TTC28: variants seen among roughly 807,000 people sequenced by gnomAD.
TTC28 encodes the protein tetratricopeptide repeat domain 28.
Under a neutral mutation model 198.0 loss-of-function variants are expected in TTC28, and 61 were observed. That is an observed-to-expected ratio of 0.31 (90% CI 0.25 to 0.38). The LOEUF (loss-of-function observed/expected upper bound fraction) is 0.38, where lower values mean the gene tolerates loss of function less well. Among genes scored for constraint, TTC28 ranks in the 10% least tolerant of loss-of-function variants. The pLI is 1.00. For missense variants in TTC28, 2,678 were observed against 3,164.0 expected (o/e 0.85, Z 3.69); for synonymous variants, 1,171 against 1,297.8 (o/e 0.90, Z 2.10).
intron 2 of TTC28, among the ~76,000 whole-genome samples, chr22:28,377,475 CAG>C (rs1156388039): frequency 6.6e-6 from 1 of 151,598 alleles, no homozygotes; most frequent in Non-Finnish European, 1.5e-5. Context: ...AGTGAGGAAA[CAG>C]AGTCAGAGAA....
At chr22:28,485,570 G>A (rs2048305436) in intron 2 of TTC28, among the ~76,000 whole-genome samples, 1 of 152,130 alleles carries the variant, frequency 6.6e-6, no homozygotes, top group Non-Finnish European at 1.5e-5. Flanking sequence ...TATGGGAGAT[G>A]ATTGATAACA....
intron 2 of TTC28, among the ~76,000 whole-genome samples, chr22:28,587,582 G>A (rs2050340365): frequency 6.6e-6 from 1 of 151,820 alleles, no homozygotes; most frequent in Non-Finnish European, 1.5e-5. Flanking sequence ...TGCAAGCTGA[G>A]ACTATAGTCG....
At chr22:28,369,982 C>G (rs907341249) in intron 2 of TTC28, among the ~76,000 whole-genome samples, 1 of 152,174 alleles carries the variant, frequency 6.6e-6, no homozygotes, top group African/African-American at 2.4e-5. Context: ...CCTCTATATC[C>G]AAACCCTGCC....
intron 2 of TTC28, among the ~76,000 whole-genome samples, chr22:28,463,586 A>G (rs941254746): frequency 6.6e-6 from 1 of 152,194 alleles, no homozygotes; most frequent in East Asian, 1.9e-4. Flanking sequence ...TGCAGCCATA[A>G]AAAAGGATGA....
At chr22:28,538,554 CTCTT>C (rs1569010316) in intron 2 of TTC28, among the ~76,000 whole-genome samples, 1 of 135,820 alleles carries the variant, frequency 7.4e-6, no homozygotes, top group Non-Finnish European at 1.6e-5. Context: ...TAGCACCTTT[CTCTT>C]TTTTTTTTTT....
At chr22:28,077,603 TATC>T (rs1186609494) in intron 12 of TTC28, among the ~76,000 whole-genome samples, 1 of 152,228 alleles carries the variant, frequency 6.6e-6, no homozygotes, top group Non-Finnish European at 1.5e-5. Flanking sequence ...TGCCGCTTGT[TATC>T]AGTGTAGAAT....
At chr22:28,404,953 C>T (rs993690879) in intron 2 of TTC28, among the ~76,000 whole-genome samples, 3 of 151,800 alleles carry the variant, frequency 2.0e-5, no homozygotes, top group Admixed American at 2.0e-4. Flanking sequence ...TGGTATTTTT[C>T]CTGTTTGCCC....
At chr22:28,066,304 G>GGT (rs1555910369) in intron 12 of TTC28, among the ~76,000 whole-genome samples, 8,516 of 147,096 alleles carry the variant, frequency 0.058, 474 homozygotes, top group African/African-American at 0.15. Flanking sequence ...GTGTGTGTGT[G>GGT]GTGTGTGTGT....
chr22:28,553,359 G>A (rs916055677), intron 2 of TTC28, among the ~76,000 whole-genome samples: 15 of 151,358 alleles, frequency 9.9e-5, no homozygotes, highest in South Asian at 6.3e-4. Context: ...CTTCCCAGCC[G>A]ACATCCCATC....
At chr22:28,068,719 T>C (rs1234156278) in intron 12 of TTC28, among the ~76,000 whole-genome samples, 2 of 152,154 alleles carry the variant, frequency 1.3e-5, no homozygotes, top group African/African-American at 2.4e-5. Context: ...AATAGAAAAA[T>C]AGGTAAATTC....
At chr22:28,150,979 C>T (rs1349390059) in intron 6 of TTC28, among the ~76,000 whole-genome samples, 1 of 152,236 alleles carries the variant, frequency 6.6e-6, no homozygotes, top group East Asian at 1.9e-4. Context: ...ATATTCCTTT[C>T]TGAAGTCCTA....
At chr22:28,491,941 T>C (rs1429958430) in intron 2 of TTC28, among the ~76,000 whole-genome samples, 1 of 152,060 alleles carries the variant, frequency 6.6e-6, no homozygotes, top group Admixed American at 6.5e-5. Context: ...TAAAAAAGGA[T>C]GAGTTCATGT....
intron 2 of TTC28, among the ~76,000 whole-genome samples, chr22:28,549,402 C>T (rs1231245984): frequency 6.6e-6 from 1 of 152,142 alleles, no homozygotes; most frequent in Non-Finnish European, 1.5e-5. Context: ...CATCTTATTA[C>T]ATTTAAGGGC....
intron 2 of TTC28, among the ~76,000 whole-genome samples, chr22:28,393,279 C>A (rs2046763743): frequency 6.6e-6 from 1 of 152,258 alleles, no homozygotes; most frequent in Non-Finnish European, 1.5e-5. Flanking sequence ...TTTTACAACA[C>A]AAGCTTTCTA....
In TTC28 at chr22:28,630,647, T is replaced by TAAG. The variant is rs1481148155; in HGVS notation, c.103-820_103-818dup. Among the ~76,000 whole-genome samples, 4 of 152,252 alleles carry TAAG rather than the reference T, an allele frequency of 2.6e-5. 1 individual carries two copies. In the East Asian group the frequency reaches 7.7e-4, roughly 29 times the overall value. ...TCCTTTATAGCCACACAAAACAGAC[T>TAAG]AAGACATCATCTGAACCTCAATAAA... On this transcript the variant is annotated intron_variant, in intron 1 of 22. Coordinates refer to ENST00000397906, the MANE Select transcript of TTC28 (RefSeq NM_001145418.2).
intron 2 of TTC28, among the ~76,000 whole-genome samples, chr22:28,615,003 C>A (rs2050878155): frequency 6.6e-6 from 1 of 152,044 alleles, no homozygotes; most frequent in Non-Finnish European, 1.5e-5. Flanking sequence ...TCAGAGTGAA[C>A]AGGAAACCTA....
At chr22:28,154,694 T>C (rs1009833801) in intron 6 of TTC28, among the ~76,000 whole-genome samples, 3 of 152,188 alleles carry the variant, frequency 2.0e-5, no homozygotes, top group African/African-American at 7.2e-5. Context: ...ATTAACATTA[T>C]TTTCACAAGG....
At chr22:28,136,635 A>G (rs1455953923) in intron 6 of TTC28, among the ~76,000 whole-genome samples, 1 of 152,214 alleles carries the variant, frequency 6.6e-6, no homozygotes, top group African/African-American at 2.4e-5. Flanking sequence ...CTAACATGAG[A>G]GCATTCCACT....
At chr22:28,392,444 G>A (rs1220344256) in intron 2 of TTC28, among the ~76,000 whole-genome samples, 5 of 152,170 alleles carry the variant, frequency 3.3e-5, no homozygotes, top group African/African-American at 2.4e-5. Context: ...CCCCAGCCTC[G>A]CTGCCGCCTT....
Sources: gnomAD v4.1 joint callset for allele counts (sites outside exome capture counted in the v4.1 genomes callset) on GRCh38, gnomAD v4.1.1 for gene constraint, MANE v1.5 for transcripts, NCBI Gene and HGNC (gene_info 2026-07-23, HGNC 2026-07-21) for gene names.